The following PCDHA11 variants were observed in gnomAD, a reference collection of about 807,000 sequenced individuals.
PCDHA11 encodes the protein protocadherin alpha-11.
In PCDHA11, 61 loss-of-function variants were observed where a neutral mutation model predicts 70.3. The ratio of observed to expected loss-of-function variants is 0.87; its 90% CI spans 0.71 to 1.07. The LOEUF is 1.07. PCDHA11 is among the 50% of genes least tolerant of loss of function. PCDHA11 has a pLI of 0.00. For synonymous variants in PCDHA11, 633 were observed against 555.1 expected, an observed-to-expected ratio of 1.14 and a Z score of -1.97; for missense variants, 1,324 against 1,237.5, an observed-to-expected ratio of 1.07 and a Z score of -1.05.
chr5:140,917,710 G>T (rs2078316558), intron 1 of PCDHA11, among the ~76,000 whole-genome samples: 3 of 152,132 alleles, frequency 2.0e-5, no homozygotes. Flanking sequence ...TTGTAGGTGT[G>T]CAGCTTTATT....
intron 1 of PCDHA11, chr5:140,882,471 C>A: frequency 6.2e-7 from 1 of 1,614,024 alleles, no homozygotes; most frequent in African/African-American, 1.3e-5. Flanking sequence ...CGGGTGGCGT[C>A]CAAAAGACAC....
At chr5:140,898,100 G>C (rs1273803096) in intron 1 of PCDHA11, among the ~76,000 whole-genome samples, 2 of 152,132 alleles carry the variant, frequency 1.3e-5, no homozygotes, top group African/African-American at 4.8e-5. Flanking sequence ...CCCTTTGTCA[G>C]ATGAGTAGGT....
intron 1 of PCDHA11, among the ~76,000 whole-genome samples, chr5:140,975,280 T>C (rs914764307): frequency 6.6e-6 from 1 of 152,252 alleles, no homozygotes; most frequent in Non-Finnish European, 1.5e-5. Flanking sequence ...CTCTGACCTC[T>C]AGACCCAGAT....
intron 3 of PCDHA11, among the ~76,000 whole-genome samples, chr5:141,005,544 A>G (rs1197838847): frequency 6.6e-6 from 1 of 151,492 alleles, no homozygotes; most frequent in Non-Finnish European, 1.5e-5. Flanking sequence ...TCTACTAAAA[A>G]TACAAAAATT....
In PCDHA11 at chr5:140,876,137, T is replaced by TA. The variant is rs781824852; in HGVS notation, c.2391+4645dup. The TA allele has an allele frequency of 1.3e-5, 21 of 1,613,798 alleles. No individual in the cohort carries two copies. The Middle Eastern group carries it at 4.9e-4, about 38-fold the overall frequency. On this transcript the variant is annotated intron_variant, in intron 1 of 3. Coordinates refer to ENST00000398640, the MANE Select transcript of PCDHA11 (RefSeq NM_018902.5). Reference sequence around the variant, plus strand: ...GTAATCGATGGCGGTAAACCAGAACTAACAGGGTCTGTCCAGATTCAAATA... The same window carrying TA: ...GTAATCGATGGCGGTAAACCAGAACTAAACAGGGTCTGTCCAGATTCAAATA...
intron 1 of PCDHA11, among the ~76,000 whole-genome samples, chr5:140,879,549 A>T (rs1345193552): frequency 2.0e-5 from 3 of 152,246 alleles, no homozygotes; most frequent in Admixed American, 6.5e-5. Context: ...AGAGAAAAAA[A>T]TAATCCATGA....
rs1396431858 is a variant in PCDHA11, at chr5:141,010,083, T to C, written c.*146T>C. The C allele has an allele frequency of 1.9e-6, 3 of 1,612,132 alleles. No homozygotes were observed. The African/African-American group carries it at 4.0e-5, about 22-fold the overall frequency. On this transcript the variant is annotated 3_prime_UTR_variant, in exon 4 of 4. Coordinates refer to ENST00000398640, the MANE Select transcript of PCDHA11 (RefSeq NM_018902.5). Reference sequence around the variant, plus strand: ...CTGCAGAAAGTTCCCTGTGTCTGTCTAGAACGCATTTAACAGGTTTTGTCG... The same window carrying C: ...CTGCAGAAAGTTCCCTGTGTCTGTCCAGAACGCATTTAACAGGTTTTGTCG...
At chr5:140,967,947 C>A in intron 1 of PCDHA11, 1 of 1,614,222 alleles carries the variant, frequency 6.2e-7, no homozygotes, top group Non-Finnish European at 8.5e-7. Flanking sequence ...GACCAAGACT[C>A]AGGCCCCAAC....
At chr5:140,973,665 T>C (rs1309458037) in intron 1 of PCDHA11, among the ~76,000 whole-genome samples, 2 of 152,248 alleles carry the variant, frequency 1.3e-5, no homozygotes, top group Non-Finnish European at 2.9e-5. Context: ...CTATTTATTG[T>C]AGCTTGAATG....
intron 1 of PCDHA11, among the ~76,000 whole-genome samples, chr5:140,915,885 G>A (rs1487160672): frequency 6.6e-6 from 1 of 152,204 alleles, no homozygotes; most frequent in Admixed American, 6.5e-5. Context: ...AGGGTAGCAA[G>A]TTCCCCCTGG....
intron 1 of PCDHA11, among the ~76,000 whole-genome samples, chr5:140,894,320 G>T (rs191376863): frequency 1.1e-3 from 163 of 152,016 alleles, no homozygotes; most frequent in Non-Finnish European, 1.7e-3. Flanking sequence ...TTAAATTATA[G>T]ATTTTAGTAT....
intron 1 of PCDHA11, chr5:140,877,288 T>C (rs782747810): frequency 1.9e-6 from 3 of 1,613,908 alleles, no homozygotes; most frequent in Non-Finnish European, 2.5e-6. Context: ...CTATAACGCT[T>C]GGCTGTCCTA....
intron 1 of PCDHA11, among the ~76,000 whole-genome samples, chr5:140,944,072 A>C (rs868935645): frequency 6.6e-6 from 1 of 152,218 alleles, no homozygotes; most frequent in Non-Finnish European, 1.5e-5. Context: ...CTTGTTAAAG[A>C]TAAAGGAGGC....
chr5:140,966,436 G>T, intron 1 of PCDHA11: 1 of 421,750 alleles, frequency 2.4e-6, no homozygotes. Flanking sequence ...CCCTCCTACC[G>T]CTCCCTTTCC....
chr5:140,896,053 C>T (rs371706160), intron 1 of PCDHA11, among the ~76,000 whole-genome samples: 8 of 152,164 alleles, frequency 5.3e-5, no homozygotes, highest in Non-Finnish European at 1.2e-4. Context: ...TCAGGTGATC[C>T]GCCTGCCTCG....
intron 2 of PCDHA11, chr5:140,982,197 A>G: frequency 1.5e-5 from 6 of 389,618 alleles, no homozygotes; most frequent in Non-Finnish European, 2.1e-5. Flanking sequence ...TTCCTGTTAG[A>G]TTTAGTGAGC....
At chr5:140,908,452 T>A (rs2073982140) in intron 1 of PCDHA11, among the ~76,000 whole-genome samples, 1 of 152,196 alleles carries the variant, frequency 6.6e-6, no homozygotes, top group African/African-American at 2.4e-5. Context: ...TATGGCTAGA[T>A]GGATCAGAAA....
chr5:140,996,587 C>T (rs1260417239), intron 3 of PCDHA11, among the ~76,000 whole-genome samples: 4 of 151,994 alleles, frequency 2.6e-5, no homozygotes, highest in South Asian at 2.1e-4. Context: ...TAACAAGGGC[C>T]GCCTCCCCCC....
At chr5:140,946,634 A>ATATATAT (rs1554217761) in intron 1 of PCDHA11, among the ~76,000 whole-genome samples, 3 of 147,376 alleles carry the variant, frequency 2.0e-5, no homozygotes, top group African/African-American at 5.1e-5. Context: ...ATATATATAC[A>ATATATAT]ATGGAATACT....
Sources: allele counts gnomAD v4.1 joint callset (sites outside exome capture counted in the v4.1 genomes callset), GRCh38; gene constraint gnomAD v4.1.1; transcripts MANE v1.5; gene names NCBI Gene and HGNC (gene_info 2026-07-23, HGNC 2026-07-21).